The following CELSR1 variants were observed in gnomAD, a reference collection of about 807,000 sequenced individuals.
CELSR1 encodes cadherin EGF LAG seven-pass G-type receptor 1, also known as adhesion G protein-coupled receptor C1.
Under a neutral mutation model 249.1 loss-of-function variants are expected in CELSR1, and 110 were observed. That is an observed-to-expected ratio of 0.44 (90% CI 0.38 to 0.52). CELSR1 has a LOEUF of 0.52. Among genes scored for constraint, CELSR1 ranks in the 20% least tolerant of loss-of-function variants. The pLI is 0.00. For synonymous variants in CELSR1, 2,113 were observed against 1,900.0 expected (o/e 1.11, Z -2.92); for missense variants, 4,109 against 4,296.4 (o/e 0.96, Z 1.22).
intron 1 of CELSR1, among the ~76,000 whole-genome samples, chr22:46,525,897 A>G (rs958510942): frequency 6.6e-6 from 1 of 152,268 alleles, no homozygotes; most frequent in African/African-American, 2.4e-5. Flanking sequence ...TGGCACGCCC[A>G]GCAACATGGG....
rs780094906 is a variant in CELSR1 at position 46,364,517 on chromosome 22, C to T, written c.8774G>A (p.Arg2925Lys). ...GCCCCGGCCTCCCCAGGCACCTTTC[C>T]TCTGCTCTGGGGGCTGGCTGCTAGC... ...RLASSQPPEQ[R>K]KGILKNKVTY... The change falls in exon 33 of 35, where the codon AGG (arginine) becomes AAG (lysine). Residue 2925 changes from arginine (R) to lysine (K), a missense_variant. Physicochemically the swap from Arg to Lys is conservative, Grantham distance 26. Transcript: ENST00000674500. 1.9e-6 allele frequency: 3 copies of T among 1,609,708 alleles called. No individual in the cohort carries two copies. The highest frequency in any genetic ancestry group is 1.1e-5 in the South Asian group (1 of 90,874).
intron 1 of CELSR1, among the ~76,000 whole-genome samples, chr22:46,485,263 C>G (rs957591904): frequency 6.6e-6 from 1 of 152,122 alleles, no homozygotes; most frequent in African/African-American, 2.4e-5. Context: ...TTCCAGTATT[C>G]AAAGACTAGA....
chr22:46,499,827 C>T (rs959637313), intron 1 of CELSR1, among the ~76,000 whole-genome samples: 1 of 152,140 alleles, frequency 6.6e-6, no homozygotes, highest in African/African-American at 2.4e-5. Context: ...GGATGGCCCT[C>T]TTCTGGATCC....
intron 5 of CELSR1, among the ~76,000 whole-genome samples, chr22:46,414,883 G>A (rs2079381450): frequency 6.6e-6 from 1 of 152,212 alleles, no homozygotes; most frequent in African/African-American, 2.4e-5. Context: ...CCACCTAAAT[G>A]TCCATCAGTA....
At chr22:46,416,102 CA>C (rs1289692196) in intron 5 of CELSR1, among the ~76,000 whole-genome samples, 88 of 121,344 alleles carry the variant, frequency 7.3e-4, no homozygotes, top group Non-Finnish European at 9.8e-4. Flanking sequence ...GTACAGGTTG[CA>C]GAGGGGGGCG....
intron 1 of CELSR1, among the ~76,000 whole-genome samples, chr22:46,469,600 C>T (rs1193126347): frequency 3.9e-5 from 6 of 152,078 alleles, no homozygotes; most frequent in African/African-American, 1.2e-4. Context: ...ACCGCAACCT[C>T]CACCTCCCAA....
At chr22:46,398,000 G>T in intron 11 of CELSR1, 152 bp from the exon 12 acceptor site, 3 of 707,026 alleles carry the variant, frequency 4.2e-6, no homozygotes, top group Non-Finnish European at 4.2e-6. Context: ...TGTTCCTCTT[G>T]CCCCACGGCC....
rs1194384146 is a variant in CELSR1 at position 46,524,541 on chromosome 22, C to CGCGTGTGTGTGTGT, written c.3544+9085_3544+9086insACACACACACACGC. On this transcript the variant is annotated intron_variant, in intron 1 of 34. Coordinates refer to ENST00000674500, the MANE Select transcript of CELSR1 (RefSeq NM_001378328.1). Reference sequence around the variant, plus strand: ...AAACGGCCCCCACCCCCGTTGTGTGCGTGTGTGTGTGTGTGTGTGTGTGTG... The same window carrying CGCGTGTGTGTGTGT: ...AAACGGCCCCCACCCCCGTTGTGTGCGCGTGTGTGTGTGTGTGTGTGTGTGTGTGTGTGTGTGTG... Among the ~76,000 whole-genome samples the CGCGTGTGTGTGTGT allele has an allele frequency of 6.4e-5, 5 of 77,878 alleles. No homozygotes were observed. The South Asian group carries it at 1.8e-3, about 29-fold the overall frequency. 51.1% of individuals were successfully genotyped at this position (77,878 alleles called of 152,430 possible).
chr22:46,524,541 C>CGCGCGTGTGT (rs1194384146), intron 1 of CELSR1, among the ~76,000 whole-genome samples: 9 of 77,828 alleles, frequency 1.2e-4, no homozygotes, highest in Non-Finnish European at 2.1e-4. Context: ...CCGTTGTGTG[C>CGCGCGTGTGT]GTGTGTGTGT....
chr22:46,482,752 G>C (rs1467342022), intron 1 of CELSR1, among the ~76,000 whole-genome samples: 1 of 152,104 alleles, frequency 6.6e-6, no homozygotes, highest in African/African-American at 2.4e-5. Flanking sequence ...CCTTCATAGG[G>C]AACTCACAAG....
rs1434072935 is a variant in CELSR1 at position 46,448,479 on chromosome 22, G to A, written c.4184-9068C>T. The A allele has an allele frequency of 7.9e-6, 3 of 378,504 alleles. No individual in the cohort carries two copies. The highest frequency in any genetic ancestry group is 8.3e-5 in the East Asian group (1 of 12,070). The allele number at this position is 378,504 out of a possible 1,614,324, so 23.4% of individuals were successfully genotyped here. A position where few individuals can be genotyped will look rare whatever the true frequency, so the allele number is the denominator to read the frequency against. On this transcript the variant is annotated intron_variant, in intron 2 of 34. Transcript: ENST00000674500. The surrounding 1 kb of genome is among the most constrained non-coding windows in gnomAD (Gnocchi z 5.7). ...GGAGGGCTGGGAACGCGCTGGGAACGTGCCCCAGGAGGGGAAGGGCGTGTA... is the reference window on the plus strand; with the variant it reads ...GGAGGGCTGGGAACGCGCTGGGAACATGCCCCAGGAGGGGAAGGGCGTGTA...
chr22:46,483,531 G>A (rs2080287251), intron 1 of CELSR1, among the ~76,000 whole-genome samples: 1 of 151,926 alleles, frequency 6.6e-6, no homozygotes, highest in Non-Finnish European at 1.5e-5. Context: ...ACTTGGGCAA[G>A]TCACTTAACC....
rs574641890 is a variant in CELSR1, at chr22:46,490,728, C to T, written c.3545-26383G>A. Among the ~76,000 whole-genome samples, 1 of 152,252 alleles carries T rather than the reference C, an allele frequency of 6.6e-6. No individual in the cohort carries two copies. Among genetic ancestry groups the T allele is most frequent in the East Asian group, 1.9e-4 (1 of 5,184 alleles). On this transcript the variant is annotated intron_variant, in intron 1 of 34. Coordinates refer to ENST00000674500, the MANE Select transcript of CELSR1 (RefSeq NM_001378328.1). This position sits in a 1 kb window ranked among gnomAD's most constrained non-coding sequence, Gnocchi z 5.2. ...AAAATACCAGAAAAATCTACAAAAC[C>T]AACTCCTGCAGCCACCACAGGGTGC...
In CELSR1 at chr22:46,427,617, G is replaced by A. The variant is rs759737975; in HGVS notation, c.4611+5776C>T. Among the ~76,000 whole-genome samples the A allele has an allele frequency of 1.3e-5, 2 of 152,124 alleles. No individual in the cohort carries two copies. The highest frequency in any genetic ancestry group is 2.1e-4 in the South Asian group (1 of 4,826). On this transcript the variant is annotated intron_variant, in intron 5 of 34. Transcript: ENST00000674500. This position sits in a 1 kb window ranked among gnomAD's most constrained non-coding sequence, Gnocchi z 4.2. Reference sequence around the variant, plus strand: ...CCTGGGAGCTCCTCCCCTCATCACCGCACAGAACCCCACCGCACTGTTGGC... The same window carrying A: ...CCTGGGAGCTCCTCCCCTCATCACCACACAGAACCCCACCGCACTGTTGGC...
chr22:46,523,940 G>A (rs1229693155), intron 1 of CELSR1, among the ~76,000 whole-genome samples: 4 of 152,202 alleles, frequency 2.6e-5, no homozygotes, highest in Non-Finnish European at 5.9e-5. Context: ...CAGCACGGCT[G>A]CCACTGTCGC....
In CELSR1 at chr22:46,389,253, G is replaced by A. The variant is rs113338301; in HGVS notation, c.6555+37C>T. The A allele has an allele frequency of 2.8e-5, 44 of 1,596,464 alleles. 1 individual carries two copies. The highest frequency in any genetic ancestry group is 2.3e-4 in the African/African-American group (17 of 74,926). On this transcript the variant is annotated intron_variant, in intron 18 of 34. Coordinates refer to ENST00000674500, the MANE Select transcript of CELSR1 (RefSeq NM_001378328.1). ...CACCCACGGGCATCCGAGTGTCCCC[G>A]AGTGTCCCCGAGCCAGGGTGGCGGC... is the stretch of plus-strand genomic sequence containing the variant.
chr22:46,419,704 G>A (rs1023626484), intron 5 of CELSR1, among the ~76,000 whole-genome samples: 36 of 152,130 alleles, frequency 2.4e-4, no homozygotes, highest in African/African-American at 8.0e-4. Flanking sequence ...GTGTACACTC[G>A]CCCACTCACA....
intron 1 of CELSR1, among the ~76,000 whole-genome samples, chr22:46,482,608 G>A (rs571109238): frequency 2.6e-5 from 4 of 152,186 alleles, no homozygotes; most frequent in South Asian, 2.1e-4. Flanking sequence ...TCAGCTACTC[G>A]AAAGGCTGAG....
At chr22:46,457,996 C>A (rs2079976777) in intron 2 of CELSR1, among the ~76,000 whole-genome samples, 2 of 152,234 alleles carry the variant, frequency 1.3e-5, no homozygotes, top group Non-Finnish European at 2.9e-5. Context: ...CTGCTGCAGA[C>A]CCGCGGGCAT....
Sources: gnomAD v4.1 joint callset for allele counts (sites outside exome capture counted in the v4.1 genomes callset) on GRCh38, gnomAD v4.1.1 for gene constraint, Gnocchi (gnomAD v3.1) non-coding constraint, MANE v1.5 for transcripts, NCBI Gene and HGNC (gene_info 2026-07-23, HGNC 2026-07-21) for gene names.